C11orf65: variants seen among roughly 807,000 people sequenced by gnomAD.
C11orf65 encodes the protein protein MFI.
C11orf65 carries 38 observed loss-of-function variants against 35.3 expected under a neutral mutation model. That is an observed-to-expected ratio of 1.08 (90% CI 0.83 to 1.41). C11orf65 has a LOEUF of 1.41. Ranked by LOEUF, C11orf65 falls within the 40% of genes most tolerant of loss-of-function variation. The probability of loss-of-function intolerance (pLI) is 0.00; values close to 1 mark genes in which losing one functional copy is unlikely to be tolerated. For synonymous variants in C11orf65, 105 were observed against 114.4 expected, an observed-to-expected ratio of 0.92 and a Z score of 0.53; for missense variants, 370 against 367.1, an observed-to-expected ratio of 1.01 and a Z score of -0.06.
intron 2 of C11orf65, among the ~76,000 whole-genome samples, chr11:108,433,257 C>T (rs1166575811): frequency 6.8e-6 from 1 of 147,752 alleles, no homozygotes; most frequent in Non-Finnish European, 1.5e-5. Flanking sequence ...ATATATATCT[C>T]TCTCTATATA....
In C11orf65 at chr11:108,405,321, C is replaced by T. The variant is rs909966738; in HGVS notation, c.560+108G>A. 3.5e-6 allele frequency: 4 copies of T among 1,139,372 alleles called. No individual in the cohort carries two copies. In the African/African-American group the frequency reaches 4.7e-5, roughly 13 times the overall value. The allele number at this position is 1,139,372 out of a possible 1,614,324, so 70.6% of individuals were successfully genotyped here. A position where few individuals can be genotyped will look rare whatever the true frequency, so the allele number is the denominator to read the frequency against. On this transcript the variant is annotated intron_variant, in intron 6 of 8. Transcript: ENST00000393084. ...TGTCGTTTGGGTCAGGGTCTGCGGGCAGACCCCCTGCAGCTAATGCCCTCT... is the reference window on the plus strand; with the variant it reads ...TGTCGTTTGGGTCAGGGTCTGCGGGTAGACCCCCTGCAGCTAATGCCCTCT...
chr11:108,332,310 T>C (rs2086348921), intron 3 of C11orf65, among the ~76,000 whole-genome samples: 1 of 152,064 alleles, frequency 6.6e-6, no homozygotes, highest in South Asian at 2.1e-4. Flanking sequence ...TGGGCACCTG[T>C]AGTCCCAGCT....
At chr11:108,340,761 G>C (rs1159872809) in intron 2 of C11orf65, among the ~76,000 whole-genome samples, 1 of 152,084 alleles carries the variant, frequency 6.6e-6, no homozygotes, top group African/African-American at 2.4e-5. Context: ...CTAAAATCAA[G>C]TCCCTTATAT....
rs375953929 is a variant in C11orf65 at position 108,392,101 on chromosome 11, A to G, written c.731+1107T>C. The stretch of plus-strand genomic sequence containing the variant: ...CTCGCTCTGTCACCCAGACTGGAGT[A>G]CAGTGGTGTGATCATGGCTCACTAC... On this transcript the variant is annotated intron_variant, in intron 7 of 8. Transcript: ENST00000393084. Among the ~76,000 whole-genome samples, 8 of 152,070 alleles carry G rather than the reference A, an allele frequency of 5.3e-5. No individual in the cohort carries two copies. In the East Asian group the frequency reaches 1.4e-3, roughly 26 times the overall value.
Position 108,358,226 on chromosome 11 carries a change from G to A in C11orf65, c.227-22934C>T, listed in dbSNP as rs1022184389. Among the ~76,000 whole-genome samples the A allele has an allele frequency of 8.1e-4, 122 of 151,302 alleles. 2 individuals are homozygous for A. Among genetic ancestry groups the A allele is most frequent in the African/African-American group, 2.6e-3 (106 of 41,016 alleles). ...GAAGATGAAATGAATGAAATGAAGC[G>A]AGAAGGGAAGTTCAGAGAAAAAAGA... On this transcript the variant is annotated intron_variant, in intron 2 of 3. Coordinates refer to the C11orf65 transcript ENST00000524755.
chr11:108,393,109 G>T, intron 7 of C11orf65, 99 bp downstream of exon 7: 3 of 1,276,834 alleles, frequency 2.3e-6, no homozygotes, highest in East Asian at 2.4e-5. Context: ...TTTCTTTGAA[G>T]ATTGTTTGTG....
chr11:108,359,541 T>G (rs895717064), intron 2 of C11orf65, among the ~76,000 whole-genome samples: 9 of 152,114 alleles, frequency 5.9e-5, no homozygotes, highest in African/African-American at 1.2e-4. Flanking sequence ...ACCCCATAGT[T>G]GGAAGTAAAG....
intron 2 of C11orf65, chr11:108,354,732 CAT>C (rs1310650124): frequency 1.6e-5 from 19 of 1,207,058 alleles, no homozygotes; most frequent in Middle Eastern, 2.0e-4. Flanking sequence ...GCATACTACA[CAT>C]GAGAGTATAC....
At chr11:108,416,759 G>A (rs1326265570) in intron 3 of C11orf65, among the ~76,000 whole-genome samples, 4 of 152,116 alleles carry the variant, frequency 2.6e-5, no homozygotes, top group Non-Finnish European at 5.9e-5. Context: ...GACAACACTA[G>A]ATGCTAGCAA....
At chr11:108,358,166 G>C (rs1049354348) in intron 2 of C11orf65, among the ~76,000 whole-genome samples, 1 of 150,694 alleles carries the variant, frequency 6.6e-6, no homozygotes. Flanking sequence ...CTCAGGAGCC[G>C]ATGCGATCAA....
At position 108,357,699 on chromosome 11, in the gene C11orf65, C is replaced by T. The variant is rs370644819; in HGVS notation, c.227-22407G>A. On this transcript the variant is annotated intron_variant, in intron 2 of 3. Transcript: ENST00000524755. ...AGCAGGGGCACACTGACACCTCACA[C>T]GGCAGGGTACTCCAACAGACCTGCA... Among the ~76,000 whole-genome samples, 514 of 152,226 alleles carry T rather than the reference C, an allele frequency of 3.4e-3. 9 individuals are homozygous for T. In the East Asian group the frequency reaches 0.045, roughly 13 times the overall value.
At chr11:108,444,146 C>T (rs368536678) in intron 2 of C11orf65, among the ~76,000 whole-genome samples, 11 of 151,220 alleles carry the variant, frequency 7.3e-5, no homozygotes, top group Non-Finnish European at 1.5e-4. Context: ...ATATCACCAC[C>T]GATCCCACAG....
rs71047689 is a variant in C11orf65, at chr11:108,354,070, A to AACACACACACAC, written c.227-18790_227-18779dup. Among the ~76,000 whole-genome samples, 695 of 114,888 alleles carry AACACACACACAC rather than the reference A, an allele frequency of 6.0e-3. 8 individuals carry two copies. The highest frequency in any genetic ancestry group is 0.018 in the African/African-American group (612 of 33,814). The allele number at this position is 114,888 out of a possible 152,430, so 75.4% of individuals were successfully genotyped here. Reference sequence around the variant, plus strand: ...GTATCTAAAAAAATACACACACACAAACACACACACACACACACACACACA... The same window carrying AACACACACACAC: ...GTATCTAAAAAAATACACACACACAAACACACACACACACACACACACACACACACACACACA... On this transcript the variant is annotated intron_variant, in intron 2 of 3. Transcript: ENST00000524755.
downstream of C11orf65, among the ~76,000 whole-genome samples, chr11:108,382,551 G>A (rs370193106): frequency 6.6e-6 from 1 of 152,198 alleles, no homozygotes; most frequent in African/African-American, 2.4e-5. Context: ...AAACTAGAAT[G>A]AGTAAGCAGA....
At chr11:108,367,428 A>G (rs1371213464) in intron 2 of C11orf65, 2 of 200,056 alleles carry the variant, frequency 1.0e-5, no homozygotes, top group African/African-American at 2.3e-5. Context: ...AGTTTGATAC[A>G]TAGGTAGAAG....
rs1056130900 is a variant in C11orf65 at position 108,372,623 on chromosome 11, G to C, written c.226+20585C>G. Reference sequence around the variant, plus strand: ...AAATCATTGCAGTGTAAAGCATCATGGACAAGTGGACTTCACAGGCATTTC... The same window carrying C: ...AAATCATTGCAGTGTAAAGCATCATCGACAAGTGGACTTCACAGGCATTTC... On this transcript the variant is annotated intron_variant, in intron 2 of 3. Transcript: ENST00000524755. Among the ~76,000 whole-genome samples, 3 of 152,172 alleles carry C rather than the reference G, an allele frequency of 2.0e-5. 1 individual carries two copies. In the South Asian group the frequency reaches 6.2e-4, roughly 31 times the overall value.
At chr11:108,457,488 A>C (rs1344848554) in intron 2 of C11orf65, among the ~76,000 whole-genome samples, 2 of 152,020 alleles carry the variant, frequency 1.3e-5, no homozygotes, top group Admixed American at 6.6e-5. Flanking sequence ...CTAAAAATAC[A>C]AAAAACTCAG....
chr11:108,336,107 A>G (rs1591200568), intron 2 of C11orf65: 4 of 639,434 alleles, frequency 6.3e-6, no homozygotes, highest in Non-Finnish European at 1.1e-5. Flanking sequence ...GACCAGCCTC[A>G]GCAACATAGT....
intron 3 of C11orf65, chr11:108,332,953 A>G: frequency 6.3e-7 from 1 of 1,576,976 alleles, no homozygotes; most frequent in Non-Finnish European, 8.6e-7. Context: ...TACTCTCTGT[A>G]GAGATATATT....
Sources: gnomAD v4.1 joint callset for allele counts (sites outside exome capture counted in the v4.1 genomes callset) on GRCh38, gnomAD v4.1.1 for gene constraint, MANE v1.5 for transcripts, NCBI Gene and HGNC (gene_info 2026-07-23, HGNC 2026-07-21) for gene names.